The following MYO16 variants were observed in gnomAD, a reference collection of about 807,000 sequenced individuals.
The protein encoded by MYO16 is myosin XVI.
Under a neutral mutation model 205.3 loss-of-function variants are expected in MYO16, and 94 were observed. That is an observed-to-expected ratio of 0.46 (90% CI 0.39 to 0.54). The LOEUF is 0.54. Ranked by LOEUF, MYO16 falls within the 20% of genes least tolerant of loss-of-function variation. The pLI is 0.00. For synonymous variants in MYO16, 988 were observed against 954.0 expected, an observed-to-expected ratio of 1.04 and a Z score of -0.66; for missense variants, 2,315 against 2,387.5, an observed-to-expected ratio of 0.97 and a Z score of 0.63.
intron 15 of MYO16, 49 bp downstream of exon 15, chr13:108,898,182 C>T (rs777866006): frequency 4.9e-6 from 7 of 1,420,200 alleles, no homozygotes; most frequent in African/African-American, 4.2e-5. Flanking sequence ...AGCCAGCATG[C>T]GACCACGTCA....
Position 109,141,344 on chromosome 13 carries a change from C to G in MYO16, c.5132C>G (p.Ser1711Cys). Residue 1711 changes from serine to cysteine, a missense_variant, in exon 32 of 35, where the codon TCC becomes TGC. Physicochemically the swap from Ser to Cys is moderately radical, Grantham distance 112. This residue lies in a region of MYO16 where 1,097 missense variants were observed against 1,092.0 expected (regional missense o/e 1.00). Transcript: ENST00000457511. This position sits in a 1 kb window ranked among gnomAD's most constrained non-coding sequence, Gnocchi z 4.1. ...FNSGRSVLRKSAAGRKIREAE... is the reference protein window; with the variant it reads ...FNSGRSVLRKCAAGRKIREAE... ...TCGGGGAGGAGTGTGCTTCGGAAAT[C>G]CGCGGCGGGAAGAAAAATCAGGGAA... The G allele has an allele frequency of 6.4e-7, 1 of 1,552,216 alleles. No homozygotes were observed. The highest frequency in any genetic ancestry group is 8.7e-7 in the Non-Finnish European group (1 of 1,153,622).
At chr13:108,700,857 G>A (rs1883280212) in intron 2 of MYO16, among the ~76,000 whole-genome samples, 1 of 152,144 alleles carries the variant, frequency 6.6e-6, no homozygotes. Flanking sequence ...TCAGAGCTGT[G>A]GGTATGCTCA....
intron 16 of MYO16, among the ~76,000 whole-genome samples, chr13:108,946,555 A>G (rs1882950631): frequency 6.6e-6 from 1 of 152,232 alleles, no homozygotes; most frequent in East Asian, 1.9e-4. Context: ...AGAATCCACC[A>G]GGAATTTTAA....
chr13:108,936,728 T>C (rs1003987295), intron 16 of MYO16, among the ~76,000 whole-genome samples: 3 of 152,202 alleles, frequency 2.0e-5, no homozygotes, highest in Non-Finnish European at 4.4e-5. Flanking sequence ...TTGTTACATG[T>C]GAGGTGGATC....
At chr13:108,758,348 G>C (rs923744234) in intron 4 of MYO16, among the ~76,000 whole-genome samples, 2 of 152,100 alleles carry the variant, frequency 1.3e-5, no homozygotes, top group African/African-American at 4.8e-5. Flanking sequence ...GTGTGGATTT[G>C]CCCGAGGTAT....
At chr13:108,945,309 C>A (rs1458750263) in intron 16 of MYO16, among the ~76,000 whole-genome samples, 1 of 152,108 alleles carries the variant, frequency 6.6e-6, no homozygotes, top group African/African-American at 2.4e-5. Context: ...TGGAAAATTT[C>A]TTTAATGTAG....
intron 4 of MYO16, among the ~76,000 whole-genome samples, chr13:108,750,962 G>C (rs192737118): frequency 4.3e-4 from 66 of 152,304 alleles, no homozygotes; most frequent in African/African-American, 1.6e-3. Context: ...TGATGGATTA[G>C]AGTTGACAAT....
chr13:108,966,346 A>T (rs1207150523), intron 20 of MYO16, among the ~76,000 whole-genome samples: 2 of 152,218 alleles, frequency 1.3e-5, no homozygotes, highest in Admixed American at 6.5e-5. Context: ...TGAAAAAATG[A>T]ATATATAAGT....
At chr13:108,501,024 G>GT in the MYO16 span, among the ~76,000 whole-genome samples, 2 of 152,066 alleles carry the variant, frequency 1.3e-5, no homozygotes, top group Non-Finnish European at 2.9e-5. Flanking sequence ...CCTGTACACT[G>GT]GGCATGAGCT....
intron 23 of MYO16, among the ~76,000 whole-genome samples, chr13:109,039,000 A>C (rs9559471): frequency 0.38 from 57,206 of 151,988 alleles, 11,653 homozygotes; most frequent in East Asian, 0.83. Context: ...TATGAAGGCT[A>C]TGTAGGAAGC....
At chr13:109,099,166 C>T (rs1027361470) in intron 27 of MYO16, among the ~76,000 whole-genome samples, 1 of 152,208 alleles carries the variant, frequency 6.6e-6, no homozygotes, top group African/African-American at 2.4e-5. Context: ...TGTTCATTAG[C>T]AGCTCCTGAG....
intron 32 of MYO16, among the ~76,000 whole-genome samples, chr13:109,151,491 C>T (rs1237910246): frequency 6.6e-6 from 1 of 152,144 alleles, no homozygotes; most frequent in Non-Finnish European, 1.5e-5. Flanking sequence ...GAGACTTGCA[C>T]TGATTTACAG....
At chr13:108,660,302 A>G (rs1321530389) in intron 1 of MYO16, among the ~76,000 whole-genome samples, 1 of 152,146 alleles carries the variant, frequency 6.6e-6, no homozygotes, top group Non-Finnish European at 1.5e-5. Context: ...ACTTGTTCCA[A>G]CGTATAGTTT....
chr13:108,946,462 C>G (rs1882946009), intron 16 of MYO16, among the ~76,000 whole-genome samples: 1 of 152,094 alleles, frequency 6.6e-6, no homozygotes. Context: ...ACTAGGTATA[C>G]ATATGGAAAC....
the MYO16 span, among the ~76,000 whole-genome samples, chr13:108,543,539 G>A: frequency 0.081 from 12,167 of 151,090 alleles, 1,544 homozygotes; most frequent in African/African-American, 0.27. Context: ...CTACTCCGGA[G>A]GCTGAGGAAG....
At chr13:108,558,628 G>A in the MYO16 span, among the ~76,000 whole-genome samples, 4 of 152,164 alleles carry the variant, frequency 2.6e-5, no homozygotes, top group Admixed American at 1.3e-4. Context: ...CCCACGAATG[G>A]ATTATAAACC....
At chr13:108,510,033 C>T in the MYO16 span, among the ~76,000 whole-genome samples, 1 of 152,304 alleles carries the variant, frequency 6.6e-6, no homozygotes, top group East Asian at 1.9e-4. Flanking sequence ...CTGAAATAAT[C>T]CCCAATATTA....
intron 34 of MYO16, among the ~76,000 whole-genome samples, chr13:109,193,474 G>C (rs1490911910): frequency 1.3e-5 from 2 of 151,992 alleles, no homozygotes; most frequent in Non-Finnish European, 2.9e-5. Flanking sequence ...ATTGGGTTCT[G>C]TTACAATCCA....
chr13:109,133,057 G>T (rs1352548802), intron 31 of MYO16, among the ~76,000 whole-genome samples: 1 of 152,192 alleles, frequency 6.6e-6, no homozygotes, highest in Non-Finnish European at 1.5e-5. Context: ...GGAAGGCAAT[G>T]GTATTGCCTG....
Sources: gnomAD v4.1 joint callset for allele counts (sites outside exome capture counted in the v4.1 genomes callset) on GRCh38, gnomAD v4.1.1 for gene constraint, gnomAD v4.1.1 regional missense constraint, Gnocchi (gnomAD v3.1) non-coding constraint, MANE v1.5 for transcripts, NCBI Gene and HGNC (gene_info 2026-07-23, HGNC 2026-07-21) for gene names.